Variants in OSBP2 observed in about 807,000 individuals in gnomAD.
The protein encoded by OSBP2 is oxysterol binding protein 2.
In OSBP2, 66 loss-of-function variants were observed where a neutral mutation model predicts 96.0. The observed-to-expected ratio is 0.69, with a 90% CI of 0.56 to 0.84. The LOEUF (loss-of-function observed/expected upper bound fraction) is 0.84, where lower values mean the gene tolerates loss of function less well. Ranked by LOEUF, OSBP2 falls within the 40% of genes least tolerant of loss-of-function variation. OSBP2 has a pLI of 0.00. For missense variants in OSBP2, 1,038 were observed against 1,222.7 expected (o/e 0.85, Z 2.25); for synonymous variants, 525 against 520.9 (o/e 1.01, Z -0.11).
intron 2 of OSBP2, among the ~76,000 whole-genome samples, chr22:30,858,233 G>A (rs928166893): frequency 2.7e-5 from 4 of 149,192 alleles, no homozygotes; most frequent in Non-Finnish European, 4.4e-5. Flanking sequence ...TGCAAGCTCC[G>A]CTTCCCGGGT....
At chr22:30,884,229 CT>C (rs1602412566) in intron 3 of OSBP2, among the ~76,000 whole-genome samples, 2 of 152,220 alleles carry the variant, frequency 1.3e-5, no homozygotes, top group African/African-American at 4.8e-5. Flanking sequence ...TCGAGGAGGC[CT>C]TTCCCCCTGC....
At position 30,881,055 on chromosome 22, in the gene OSBP2, T is replaced by G. The variant is rs1283536479; in HGVS notation, c.1108-6371T>G. On this transcript the variant is annotated intron_variant, in intron 3 of 13. Coordinates refer to ENST00000332585, the MANE Select transcript of OSBP2 (RefSeq NM_030758.4). The surrounding 1 kb of genome is among the most constrained non-coding windows in gnomAD (Gnocchi z 4.5). ...CCTTGTCTGTCGAGCTTTGTGGTTC[T>G]CACTCTGCTTGGGGGCAACTCGACA... Among the ~76,000 whole-genome samples, 1 of 152,138 alleles carries G rather than the reference T, an allele frequency of 6.6e-6. No individual in the cohort carries two copies. The highest frequency in any genetic ancestry group is 1.5e-5 in the Non-Finnish European group (1 of 68,008).
At chr22:30,905,400 C>A (rs2040309167) in intron 12 of OSBP2, among the ~76,000 whole-genome samples, 1 of 151,638 alleles carries the variant, frequency 6.6e-6, no homozygotes, top group Non-Finnish European at 1.5e-5. Context: ...CCTCAGCCTC[C>A]CAAAGCGCTG....
chr22:30,888,116 G>A, intron 4 of OSBP2, 107 bp from the exon 5 acceptor site: 6 of 745,846 alleles, frequency 8.0e-6, no homozygotes, highest in Non-Finnish European at 1.4e-5. Flanking sequence ...GAAGCAGGAG[G>A]GGAGTGAGGC....
intron 2 of OSBP2, among the ~76,000 whole-genome samples, chr22:30,797,716 T>G (rs1452765518): frequency 1.3e-5 from 2 of 151,968 alleles, no homozygotes; most frequent in Non-Finnish European, 2.9e-5. Context: ...CTCAGCCTCC[T>G]GAGTAACTAG....
At chr22:30,811,002 G>A (rs2090998510) in intron 2 of OSBP2, among the ~76,000 whole-genome samples, 1 of 152,174 alleles carries the variant, frequency 6.6e-6, no homozygotes, top group African/African-American at 2.4e-5. Context: ...ACAAGATTGT[G>A]AAATATTTCA....
chr22:30,806,645 C>T (rs2090932165), intron 2 of OSBP2, among the ~76,000 whole-genome samples: 1 of 152,162 alleles, frequency 6.6e-6, no homozygotes, highest in African/African-American at 2.4e-5. Context: ...TTCCACTGCC[C>T]TGGACAGGAA....
chr22:30,813,493 C>T (rs1287427797), intron 2 of OSBP2, among the ~76,000 whole-genome samples: 3 of 151,734 alleles, frequency 2.0e-5, no homozygotes, highest in African/African-American at 7.3e-5. Flanking sequence ...CATTCTTGAC[C>T]CTTCTGTAGT....
rs1413060430 is a variant in OSBP2 at position 30,890,138 on chromosome 22, CCT to C, written c.1623+505_1623+506del. Among the ~76,000 whole-genome samples the C allele has an allele frequency of 6.6e-6, 1 of 152,238 alleles. No homozygotes were observed. Among genetic ancestry groups the C allele is most frequent in the African/African-American group, 2.4e-5 (1 of 41,458 alleles). ...AGAACAAGTTCCTTCACATCTCCAGCCTCTGTGTCCACATGTGTAGGGTGGGG... is the reference window on the plus strand; with the variant it reads ...AGAACAAGTTCCTTCACATCTCCAGCCTGTGTCCACATGTGTAGGGTGGGG... On this transcript the variant is annotated intron_variant, in intron 7 of 13. Transcript: ENST00000332585. The surrounding 1 kb of genome is among the most constrained non-coding windows in gnomAD (Gnocchi z 4.4).
intron 3 of OSBP2, among the ~76,000 whole-genome samples, chr22:30,880,368 C>T (rs1260806034): frequency 6.6e-6 from 1 of 152,240 alleles, no homozygotes; most frequent in African/African-American, 2.4e-5. Context: ...CTGGACCAGC[C>T]GCAGATAAGA....
chr22:30,747,229 A>T (rs1247512203), intron 2 of OSBP2, among the ~76,000 whole-genome samples: 1 of 152,224 alleles, frequency 6.6e-6, no homozygotes, highest in Non-Finnish European at 1.5e-5. Context: ...GGGAAGTGAC[A>T]GCTTAAAGGG....
chr22:30,870,380 G>T lies in OSBP2; in HGVS notation c.854-49G>T. The T allele has an allele frequency of 6.2e-7, 1 of 1,601,306 alleles. No homozygotes were observed. The highest frequency in any genetic ancestry group is 1.7e-5 in the Admixed American group (1 of 59,774). On this transcript the variant is annotated intron_variant, in intron 2 of 13. Transcript: ENST00000332585. The surrounding 1 kb of genome is among the most constrained non-coding windows in gnomAD (Gnocchi z 4.1). ...TCGGCCTGGCTGTGCAGGCCTCTTGGTACCACGTCTGTTCGTAATGACCGT... is the reference window on the plus strand; with the variant it reads ...TCGGCCTGGCTGTGCAGGCCTCTTGTTACCACGTCTGTTCGTAATGACCGT...
At chr22:30,770,061 C>T (rs982510616) in intron 2 of OSBP2, among the ~76,000 whole-genome samples, 2 of 150,770 alleles carry the variant, frequency 1.3e-5, no homozygotes, top group South Asian at 4.2e-4. Flanking sequence ...CTGCCATGTA[C>T]GATGTGAATT....
intron 2 of OSBP2, among the ~76,000 whole-genome samples, chr22:30,783,819 C>T (rs1032902180): frequency 2.6e-5 from 4 of 152,202 alleles, no homozygotes; most frequent in Non-Finnish European, 4.4e-5. Flanking sequence ...GGCGCTCTTG[C>T]TCGCAACATT....
intron 2 of OSBP2, among the ~76,000 whole-genome samples, chr22:30,786,369 C>T (rs1175359996): frequency 1.3e-5 from 2 of 152,096 alleles, no homozygotes; most frequent in South Asian, 2.1e-4. Flanking sequence ...TAAATATTGA[C>T]TGTACATCTC....
At chr22:30,725,766 G>T (rs183929548) in intron 1 of OSBP2, among the ~76,000 whole-genome samples, 1 of 151,652 alleles carries the variant, frequency 6.6e-6, no homozygotes, top group Admixed American at 6.6e-5. Context: ...TCTAATTTAT[G>T]GCCCTTGTGA....
Position 30,890,823 on chromosome 22 carries a change from A to T in OSBP2, c.1719A>T (p.Ser573=), listed in dbSNP as rs780589054. 8.7e-6 allele frequency: 14 copies of T among 1,613,612 alleles called. No individual in the cohort carries two copies. The East Asian group carries it at 2.0e-4, about 23-fold the overall frequency. The change falls in exon 8 of 14, where the codon TCA becomes TCT. Residue 573 remains serine, a synonymous_variant. Coordinates refer to ENST00000332585, the MANE Select transcript of OSBP2 (RefSeq NM_030758.4). The surrounding 1 kb of genome is among the most constrained non-coding windows in gnomAD (Gnocchi z 4.4). ...LLDKAVHCTS[S]VEQMCLVAAF... Reference sequence around the variant, plus strand: ...ACAAGGCAGTGCACTGCACCAGCTCAGTGGAGCAGATGTGCCTGGTGGCCG... The same window carrying T: ...ACAAGGCAGTGCACTGCACCAGCTCTGTGGAGCAGATGTGCCTGGTGGCCG...
At chr22:30,854,047 CTG>C (rs1416041187) in intron 2 of OSBP2, among the ~76,000 whole-genome samples, 1 of 152,038 alleles carries the variant, frequency 6.6e-6, no homozygotes, top group Non-Finnish European at 1.5e-5. Context: ...GTGTGAGCCA[CTG>C]CGCCAGGCCT....
At chr22:30,781,642 C>T (rs532647270) in intron 2 of OSBP2, among the ~76,000 whole-genome samples, 1 of 152,284 alleles carries the variant, frequency 6.6e-6, no homozygotes, top group South Asian at 2.1e-4. Flanking sequence ...CAGGGAGCCG[C>T]ATCTGCCCAG....
Sources: gnomAD v4.1 joint callset for allele counts (sites outside exome capture counted in the v4.1 genomes callset) on GRCh38, gnomAD v4.1.1 for gene constraint, Gnocchi (gnomAD v3.1) non-coding constraint, MANE v1.5 for transcripts, NCBI Gene and HGNC (gene_info 2026-07-23, HGNC 2026-07-21) for gene names.